RNF150: variants seen among roughly 807,000 people sequenced by gnomAD.
RNF150 encodes ring finger protein 150.
RNF150 carries 24 observed loss-of-function variants against 39.3 expected under a neutral mutation model. The observed-to-expected ratio is 0.61, with a 90% CI of 0.44 to 0.86. RNF150 has a LOEUF of 0.86. Among genes scored for constraint, RNF150 ranks in the 40% least tolerant of loss-of-function variants. The probability of loss-of-function intolerance (pLI) is 0.00; values close to 1 mark genes in which losing one functional copy is unlikely to be tolerated. For missense variants in RNF150, 502 were observed against 587.8 expected, an observed-to-expected ratio of 0.85 and a Z score of 1.51; for synonymous variants, 255 against 227.3, an observed-to-expected ratio of 1.12 and a Z score of -1.10.
chr4:140,968,652 C>T (rs1474914965), intron 1 of RNF150, among the ~76,000 whole-genome samples: 1 of 151,688 alleles, frequency 6.6e-6, no homozygotes, highest in Non-Finnish European at 1.5e-5. Flanking sequence ...CTCTTAGATA[C>T]TCCCACCACG....
intron 1 of RNF150, among the ~76,000 whole-genome samples, chr4:141,028,079 A>G (rs1055381814): frequency 6.6e-6 from 1 of 151,928 alleles, no homozygotes; most frequent in African/African-American, 2.4e-5. Flanking sequence ...TTCTGTTTAA[A>G]TGTCACTTTG....
At chr4:141,012,781 C>CCAAAAAAAAA (rs1735120101) in intron 1 of RNF150, among the ~76,000 whole-genome samples, 1 of 71,440 alleles carries the variant, frequency 1.4e-5, no homozygotes, top group African/African-American at 5.2e-5. Flanking sequence ...GACTCTGTCT[C>CCAAAAAAAAA]AAAAAAAAAA....
At chr4:141,066,243 A>G (rs1178045072) in intron 1 of RNF150, among the ~76,000 whole-genome samples, 9 of 16,412 alleles carry the variant, frequency 5.5e-4, no homozygotes, top group South Asian at 2.1e-3. Flanking sequence ...ATATGTGCGA[A>G]AAAAAAAAAA....
At chr4:141,059,880 T>C (rs924006553) in intron 1 of RNF150, among the ~76,000 whole-genome samples, 10 of 152,138 alleles carry the variant, frequency 6.6e-5, no homozygotes, top group Admixed American at 6.6e-4. Context: ...AAAATTAAAA[T>C]TCACAACAGA....
chr4:140,983,886 C>T (rs973533402), intron 1 of RNF150, among the ~76,000 whole-genome samples: 22 of 151,756 alleles, frequency 1.4e-4, no homozygotes, highest in Middle Eastern at 3.2e-3. Flanking sequence ...ACTACAGGCA[C>T]GTGCCACCAT....
Position 141,132,994 on chromosome 4 carries a change from G to A in RNF150, c.-186C>T. The A allele has an allele frequency of 1.8e-6, 1 of 548,190 alleles. No individual in the cohort carries two copies. The highest frequency in any genetic ancestry group is 3.2e-6 in the Non-Finnish European group (1 of 317,404). 34.0% of individuals were successfully genotyped at this position (548,190 alleles called of 1,614,324 possible). On this transcript the variant is annotated 5_prime_UTR_variant, in exon 1 of 7. Transcript: ENST00000515673. The surrounding 1 kb of genome is among the most constrained non-coding windows in gnomAD (Gnocchi z 4.9). ...GATTCCGGGCGAGCGGATGGCGCTG[G>A]CCCCTTCCCCTCTCAGCTGTAGCGC...
At chr4:141,112,208 G>A (rs928649170) in intron 1 of RNF150, among the ~76,000 whole-genome samples, 1 of 151,974 alleles carries the variant, frequency 6.6e-6, no homozygotes. Flanking sequence ...TTTTAATTGG[G>A]GCATTTAGCC....
intron 1 of RNF150, among the ~76,000 whole-genome samples, chr4:141,149,721 T>C (rs1727266103): frequency 6.6e-6 from 1 of 152,216 alleles, no homozygotes; most frequent in African/African-American, 2.4e-5. Flanking sequence ...ATCTTTTTCG[T>C]ATGACTTCTT....
In RNF150 at chr4:141,132,719, G is replaced by A. The variant is rs1317829692; in HGVS notation, c.90C>T (p.Asp30=). ...SFCFVHLLCL[D]FTVAEKEEWY... ...ATTCCTCCTTCTCGGCCACGGTAAA[G>A]TCCAGGCAGAGCAGATGCACGAAAC... Residue 30 remains aspartate, a synonymous_variant, in exon 1 of 7, where the codon GAC becomes GAT. Coordinates refer to ENST00000515673, the MANE Select transcript of RNF150 (RefSeq NM_020724.2). The surrounding 1 kb of genome is among the most constrained non-coding windows in gnomAD (Gnocchi z 4.9). The A allele has an allele frequency of 3.2e-5, 51 of 1,610,274 alleles. No homozygotes were observed. In the Admixed American group the frequency reaches 8.5e-4, roughly 27 times the overall value.
At chr4:140,978,476 A>G (rs1160832339) in intron 1 of RNF150, among the ~76,000 whole-genome samples, 1 of 152,168 alleles carries the variant, frequency 6.6e-6, no homozygotes, top group Non-Finnish European at 1.5e-5. Flanking sequence ...TACTTTTTTG[A>G]AAGTTTGTAG....
chr4:141,024,871 C>G (rs1333245095), intron 1 of RNF150, among the ~76,000 whole-genome samples: 5 of 152,276 alleles, frequency 3.3e-5, no homozygotes, highest in African/African-American at 1.2e-4. Flanking sequence ...CAAGAGGTAA[C>G]AGTTACAAGA....
chr4:140,907,084 TC>T (rs1730409356), intron 6 of RNF150, among the ~76,000 whole-genome samples: 1 of 152,234 alleles, frequency 6.6e-6, no homozygotes, highest in Non-Finnish European at 1.5e-5. Flanking sequence ...GCTGTCTGTT[TC>T]GCTGTGTTTT....
At chr4:140,948,205 T>C (rs1248741554) in intron 3 of RNF150, among the ~76,000 whole-genome samples, 2 of 152,250 alleles carry the variant, frequency 1.3e-5, no homozygotes, top group African/African-American at 4.8e-5. Context: ...TGTACTTTTA[T>C]TATTCTCTGA....
At chr4:140,878,930 T>C (rs1323416450) in intron 6 of RNF150, among the ~76,000 whole-genome samples, 4 of 152,264 alleles carry the variant, frequency 2.6e-5, no homozygotes, top group African/African-American at 9.6e-5. Flanking sequence ...TTTTTTTGTA[T>C]GCTTACGCTC....
chr4:141,170,559 T>C lies in RNF150; in HGVS notation c.-6+42235A>G, dbSNP rs371803115. The stretch of plus-strand genomic sequence containing the variant: ...AAATCTATTAGAATTTTTTTCTGTC[T>C]CTGCAAAGGAGAGTCTATCATTAAA... On this transcript the variant is annotated intron_variant, in intron 1 of 7. Coordinates refer to the RNF150 transcript ENST00000420921. Among the ~76,000 whole-genome samples, 151 of 152,366 alleles carry C rather than the reference T, an allele frequency of 9.9e-4. 1 individual carries two copies. Among genetic ancestry groups the C allele is most frequent in the African/African-American group, 3.5e-3 (147 of 41,580 alleles).
At chr4:141,066,737 T>A (rs1737476685) in intron 1 of RNF150, among the ~76,000 whole-genome samples, 1 of 152,228 alleles carries the variant, frequency 6.6e-6, no homozygotes. Flanking sequence ...TAAATTAATA[T>A]AAAGTCTGAA....
intron 6 of RNF150, among the ~76,000 whole-genome samples, chr4:140,897,191 A>C (rs1389663476): frequency 6.6e-6 from 1 of 152,208 alleles, no homozygotes; most frequent in Non-Finnish European, 1.5e-5. Flanking sequence ...AGTTAGTTTG[A>C]CTGAAGAGAA....
At chr4:141,126,440 T>C (rs1186045791) in intron 1 of RNF150, among the ~76,000 whole-genome samples, 3 of 152,226 alleles carry the variant, frequency 2.0e-5, no homozygotes, top group African/African-American at 7.2e-5. Flanking sequence ...TCTATTCTTA[T>C]GAATTTGTTT....
At chr4:140,960,767 T>C (rs1172023373) in intron 2 of RNF150, among the ~76,000 whole-genome samples, 2 of 152,172 alleles carry the variant, frequency 1.3e-5, no homozygotes, top group African/African-American at 4.8e-5. Flanking sequence ...AAAGGCCATA[T>C]GTAGACTAAA....
Sources: allele counts gnomAD v4.1 joint callset (sites outside exome capture counted in the v4.1 genomes callset), GRCh38; gene constraint gnomAD v4.1.1; non-coding constraint Gnocchi (gnomAD v3.1); transcripts MANE v1.5; gene names NCBI Gene and HGNC (gene_info 2026-07-23, HGNC 2026-07-21).